STAC: variants seen among roughly 807,000 people sequenced by gnomAD.
The protein encoded by STAC is SH3 and cysteine rich domain.
In STAC, 43 loss-of-function variants were observed where a neutral mutation model predicts 48.8. That is an observed-to-expected ratio of 0.88 (90% CI 0.69 to 1.14). STAC has a LOEUF of 1.14. Ranked by LOEUF, STAC falls within the 50% of genes most tolerant of loss-of-function variation. STAC has a pLI of 0.00. For missense variants in STAC, 497 were observed against 504.0 expected (o/e 0.99, Z 0.13); for synonymous variants, 193 against 179.5 (o/e 1.07, Z -0.60).
chr3:36,420,286 C>G (rs576389898), intron 1 of STAC, among the ~76,000 whole-genome samples: 1 of 152,174 alleles, frequency 6.6e-6, no homozygotes. Flanking sequence ...GTAACTGATA[C>G]CATTGCTGTA....
At chr3:36,449,955 G>T (rs1372253256) in intron 2 of STAC, among the ~76,000 whole-genome samples, 1 of 152,152 alleles carries the variant, frequency 6.6e-6, no homozygotes, top group Non-Finnish European at 1.5e-5. Context: ...TATTTTCTGG[G>T]CCCATTTTTA....
At chr3:36,520,830 A>T (rs546590600) in intron 8 of STAC, among the ~76,000 whole-genome samples, 1 of 152,162 alleles carries the variant, frequency 6.6e-6, no homozygotes, top group Non-Finnish European at 1.5e-5. Context: ...GGAGAGCGTG[A>T]TCCATGACAG....
intron 8 of STAC, among the ~76,000 whole-genome samples, chr3:36,516,045 G>A (rs967153054): frequency 7.6e-5 from 10 of 130,900 alleles, no homozygotes; most frequent in Admixed American, 1.8e-4. Flanking sequence ...GAGCAGTGGC[G>A]CAATCTTGGC....
chr3:36,390,231 T>C (rs1384618581), intron 1 of STAC, among the ~76,000 whole-genome samples: 1 of 152,138 alleles, frequency 6.6e-6, no homozygotes, highest in African/African-American at 2.4e-5. Context: ...CAAATTCAAC[T>C]TAAAGACAAA....
chr3:36,523,017 G>A (rs1379305253), intron 8 of STAC, among the ~76,000 whole-genome samples: 3 of 152,300 alleles, frequency 2.0e-5, no homozygotes, highest in East Asian at 3.9e-4. Flanking sequence ...ACCTGGTGGT[G>A]GAAGAGATGG....
chr3:36,395,882 C>T (rs1306585017), intron 1 of STAC, among the ~76,000 whole-genome samples: 1 of 151,400 alleles, frequency 6.6e-6, no homozygotes, highest in Non-Finnish European at 1.5e-5. Context: ...AATCATCCAA[C>T]AAGAAAACAC....
At chr3:36,539,728 T>C (rs1192526670) in intron 10 of STAC, among the ~76,000 whole-genome samples, 1 of 152,172 alleles carries the variant, frequency 6.6e-6, no homozygotes, top group African/African-American at 2.4e-5. Context: ...CTTATAACAC[T>C]GAGGCCAAGT....
chr3:36,440,344 A>G (rs1559491920), intron 1 of STAC, among the ~76,000 whole-genome samples: 1 of 152,166 alleles, frequency 6.6e-6, no homozygotes, highest in Non-Finnish European at 1.5e-5. Flanking sequence ...TTAGTTGAAG[A>G]GTGTGTGGGT....
intron 8 of STAC, among the ~76,000 whole-genome samples, chr3:36,527,912 G>GA (rs1369442395): frequency 6.6e-6 from 1 of 152,080 alleles, no homozygotes; most frequent in Non-Finnish European, 1.5e-5. Flanking sequence ...TGGCAGACAG[G>GA]AAAAATGGAG....
chr3:36,386,293 T>C (rs1436168439), intron 1 of STAC, among the ~76,000 whole-genome samples: 1 of 152,012 alleles, frequency 6.6e-6, no homozygotes, highest in East Asian at 1.9e-4. Context: ...TCAAGTCTTT[T>C]GCCATTTTTC....
intron 2 of STAC, among the ~76,000 whole-genome samples, chr3:36,454,099 A>C (rs1194537130): frequency 7.9e-5 from 12 of 152,156 alleles, no homozygotes; most frequent in Non-Finnish European, 1.8e-4. Flanking sequence ...GTGGGGCCAA[A>C]TAAGAGAATA....
rs537448367 is a variant in STAC, at chr3:36,510,301, A to C, written c.920+4467A>C. Among the ~76,000 whole-genome samples, 44 of 152,284 alleles carry C rather than the reference A, an allele frequency of 2.9e-4. 2 individuals are homozygous for C. In the South Asian group the frequency reaches 8.9e-3, roughly 31 times the overall value. ...ATGGTGATCATTAAAAAGTCAGGAA[A>C]CAACAGATGCTGGAGAGGATGTGGA... On this transcript the variant is annotated intron_variant, in intron 8 of 10. Transcript: ENST00000273183.
chr3:36,437,950 T>TTATTA (rs1553634766), intron 1 of STAC, among the ~76,000 whole-genome samples: 1 of 148,568 alleles, frequency 6.7e-6, no homozygotes, highest in African/African-American at 2.5e-5. Flanking sequence ...ATTATTATTA[T>TTATTA]TATTATTATT....
intron 1 of STAC, among the ~76,000 whole-genome samples, chr3:36,420,788 A>G (rs73059992): frequency 0.023 from 3,542 of 152,176 alleles, 61 homozygotes; most frequent in East Asian, 0.026. Flanking sequence ...GATTGTTAAA[A>G]CCTTTCTAAA....
intron 2 of STAC, among the ~76,000 whole-genome samples, chr3:36,452,453 G>A (rs1354923830): frequency 1.3e-5 from 2 of 152,180 alleles, no homozygotes; most frequent in Non-Finnish European, 2.9e-5. Context: ...AAATTCCAGA[G>A]GGCAGACACC....
At chr3:36,392,467 G>C (rs1357038508) in intron 1 of STAC, among the ~76,000 whole-genome samples, 1 of 152,060 alleles carries the variant, frequency 6.6e-6, no homozygotes, top group South Asian at 2.1e-4. Flanking sequence ...AGCCTCCCAA[G>C]TAGTTGGGAC....
At chr3:36,545,004 C>A (rs760414170) in intron 10 of STAC, among the ~76,000 whole-genome samples, 8 of 152,186 alleles carry the variant, frequency 5.3e-5, no homozygotes, top group Admixed American at 1.3e-4. Flanking sequence ...TATTCAAGCC[C>A]CTTCTTCTAC....
chr3:36,536,761 T>A (rs1699207435), intron 10 of STAC, among the ~76,000 whole-genome samples: 1 of 151,196 alleles, frequency 6.6e-6, no homozygotes, highest in African/African-American at 2.4e-5. Context: ...TGGGAGAAAA[T>A]TATTGCAATC....
intron 8 of STAC, among the ~76,000 whole-genome samples, chr3:36,514,757 G>A (rs918688188): frequency 5.3e-5 from 8 of 152,126 alleles, no homozygotes; most frequent in African/African-American, 1.9e-4. Flanking sequence ...ACTGTAGGCC[G>A]GGCGCAGTGG....
Sources: gnomAD v4.1 joint callset for allele counts (sites outside exome capture counted in the v4.1 genomes callset) on GRCh38, gnomAD v4.1.1 for gene constraint, MANE v1.5 for transcripts, NCBI Gene and HGNC (gene_info 2026-07-23, HGNC 2026-07-21) for gene names.